MCHR2: variants seen among roughly 807,000 people sequenced by gnomAD.
The protein encoded by MCHR2 is melanin concentrating hormone receptor 2.
MCHR2 carries 15 observed loss-of-function variants against 24.8 expected under a neutral mutation model. The observed-to-expected ratio is 0.60, with a 90% CI of 0.40 to 0.93. The LOEUF is 0.93. MCHR2 is among the 40% of genes least tolerant of loss of function. The probability of loss-of-function intolerance (pLI) is 0.00; values close to 1 mark genes in which losing one functional copy is unlikely to be tolerated. For missense variants in MCHR2, 386 were observed against 408.7 expected (o/e 0.94, Z 0.48); for synonymous variants, 151 against 147.6 (o/e 1.02, Z -0.17).
rs1774192193 is a variant in MCHR2, at chr6:99,920,035, T to A, written c.*905A>T. Reference sequence around the variant, plus strand: ...GCCACTGCACCCGGCCAGGAATGTTTCCTAATTATGCTTAAAGTCCAGAAG... The same window carrying A: ...GCCACTGCACCCGGCCAGGAATGTTACCTAATTATGCTTAAAGTCCAGAAG... On this transcript the variant is annotated 3_prime_UTR_variant, in exon 6 of 6. Coordinates refer to ENST00000281806, the MANE Select transcript of MCHR2 (RefSeq NM_001040179.2). 1 of 152,226 alleles carries A rather than the reference T, an allele frequency of 6.6e-6. No individual in the cohort carries two copies. The highest frequency in any genetic ancestry group is 6.5e-5 in the Admixed American group (1 of 15,272). 9.4% of individuals were successfully genotyped at this position (152,226 alleles called of 1,614,324 possible).
At chr6:99,973,857 ATTCT>A (rs1361319754) in intron 1 of MCHR2, among the ~76,000 whole-genome samples, 1 of 152,186 alleles carries the variant, frequency 6.6e-6, no homozygotes, top group Admixed American at 6.5e-5. Flanking sequence ...TGGGTTGAAA[ATTCT>A]TTCTTTAAGA....
chr6:99,961,500 T>C (rs1470742283), intron 1 of MCHR2, among the ~76,000 whole-genome samples: 2 of 152,124 alleles, frequency 1.3e-5, no homozygotes, highest in Admixed American at 6.6e-5. Context: ...ATGTGGCACA[T>C]ATACACCATG....
At chr6:99,930,336 G>A (rs190038355) in intron 5 of MCHR2, among the ~76,000 whole-genome samples, 2,902 of 152,182 alleles carry the variant, frequency 0.019, 34 homozygotes, top group Middle Eastern at 0.048. Context: ...CTCTTCTCAA[G>A]GAGTATCTTT....
intron 1 of MCHR2, among the ~76,000 whole-genome samples, chr6:99,977,269 T>C (rs1450768872): frequency 6.6e-6 from 1 of 152,210 alleles, no homozygotes; most frequent in East Asian, 1.9e-4. Context: ...TTTGAGGATT[T>C]GAAAAGAAGT....
At chr6:99,926,780 G>A (rs962684935) in intron 5 of MCHR2, among the ~76,000 whole-genome samples, 94 of 152,164 alleles carry the variant, frequency 6.2e-4, no homozygotes, top group African/African-American at 2.1e-3. Flanking sequence ...CTCCCATTTT[G>A]TAGGTTGCCT....
At chr6:99,979,336 CT>C (rs1169915982) in intron 1 of MCHR2, among the ~76,000 whole-genome samples, 1 of 152,038 alleles carries the variant, frequency 6.6e-6, no homozygotes, top group African/African-American at 2.4e-5. Context: ...TTTTATTCAT[CT>C]TTTTTATTTA....
chr6:99,971,811 G>A (rs1402751820), intron 1 of MCHR2, among the ~76,000 whole-genome samples: 1 of 152,136 alleles, frequency 6.6e-6, no homozygotes, highest in Non-Finnish European at 1.5e-5. Flanking sequence ...TGCATCTATT[G>A]AGATAATCAT....
At chr6:99,989,772 C>A (rs1334053472) in intron 1 of MCHR2, among the ~76,000 whole-genome samples, 2 of 152,112 alleles carry the variant, frequency 1.3e-5, no homozygotes, top group African/African-American at 4.8e-5. Flanking sequence ...ACTGTACTCA[C>A]CTTCCACTTT....
chr6:99,985,169 A>T (rs943199978), intron 1 of MCHR2, among the ~76,000 whole-genome samples: 3 of 152,164 alleles, frequency 2.0e-5, no homozygotes, highest in Admixed American at 6.5e-5. Context: ...TGATGAAAGA[A>T]ATTAGAGATG....
chr6:99,924,889 A>T (rs1213794221), intron 5 of MCHR2, among the ~76,000 whole-genome samples: 1 of 152,124 alleles, frequency 6.6e-6, no homozygotes, highest in Non-Finnish European at 1.5e-5. Context: ...ATTGGATGAG[A>T]TGTCCTGTAA....
At chr6:99,922,073 A>G (rs1205594073) in intron 5 of MCHR2, among the ~76,000 whole-genome samples, 1 of 151,086 alleles carries the variant, frequency 6.6e-6, no homozygotes, top group East Asian at 1.9e-4. Flanking sequence ...TTATATAGCC[A>G]AGCTTTTCAA....
intron 5 of MCHR2, among the ~76,000 whole-genome samples, chr6:99,926,912 A>G (rs971888319): frequency 4.6e-5 from 7 of 152,078 alleles, no homozygotes; most frequent in Admixed American, 3.9e-4. Flanking sequence ...GTCCTTGCCT[A>G]TGCCTATGTC....
chr6:99,981,885 T>A (rs540611650), intron 1 of MCHR2, among the ~76,000 whole-genome samples: 6 of 152,258 alleles, frequency 3.9e-5, no homozygotes, highest in Admixed American at 2.6e-4. Flanking sequence ...ACTTCATAAT[T>A]ATTAGTTGTG....
intron 1 of MCHR2, among the ~76,000 whole-genome samples, chr6:99,984,123 TTC>T (rs1175938707): frequency 2.6e-5 from 4 of 152,176 alleles, no homozygotes; most frequent in Admixed American, 2.6e-4. Flanking sequence ...ATATTTTGTC[TTC>T]TGTTATACAC....
chr6:99,935,588 T>C lies in MCHR2; in HGVS notation c.588-1071A>G, dbSNP rs1277197236. ...GATATTCTATTGTGTGTATATATAT[T>C]ATACTTTATCCATTCACCTATTGAT... On this transcript the variant is annotated intron_variant, in intron 4 of 5. Coordinates refer to ENST00000281806, the MANE Select transcript of MCHR2 (RefSeq NM_001040179.2). Among the ~76,000 whole-genome samples, 3 of 152,026 alleles carry C rather than the reference T, an allele frequency of 2.0e-5. No homozygotes were observed. In the East Asian group the frequency reaches 5.8e-4, roughly 29 times the overall value.
intron 1 of MCHR2, among the ~76,000 whole-genome samples, chr6:99,970,837 G>C (rs188716469): frequency 5.3e-5 from 8 of 152,228 alleles, no homozygotes; most frequent in East Asian, 3.9e-4. Flanking sequence ...CCCATTGCTT[G>C]TTTTTGTCAG....
intron 5 of MCHR2, among the ~76,000 whole-genome samples, chr6:99,931,229 G>C (rs1774524148): frequency 6.6e-6 from 1 of 152,144 alleles, no homozygotes; most frequent in South Asian, 2.1e-4. Flanking sequence ...GGCCATGTGA[G>C]GTGTCAGTCT....
At chr6:99,940,758 G>A (rs1248551381) in intron 4 of MCHR2, among the ~76,000 whole-genome samples, 1 of 152,060 alleles carries the variant, frequency 6.6e-6, no homozygotes, top group African/African-American at 2.4e-5. Flanking sequence ...TTTGGCTCTA[G>A]GTGGTGCCTT....
At chr6:99,962,033 T>C (rs1023671881) in intron 1 of MCHR2, among the ~76,000 whole-genome samples, 3 of 152,204 alleles carry the variant, frequency 2.0e-5, no homozygotes, top group African/African-American at 7.2e-5. Context: ...AATTTCTTTA[T>C]TAAGTAAAAA....
Sources: allele counts gnomAD v4.1 joint callset (sites outside exome capture counted in the v4.1 genomes callset), GRCh38; gene constraint gnomAD v4.1.1; transcripts MANE v1.5; gene names NCBI Gene and HGNC (gene_info 2026-07-23, HGNC 2026-07-21).